The following NHS variants were observed in gnomAD, a reference collection of about 807,000 sequenced individuals.
The protein encoded by NHS is NHS actin remodeling regulator, also known as actin remodeling regulator NHS.
NHS carries 5 observed loss-of-function variants against 72.5 expected under a neutral mutation model. The ratio of observed to expected loss-of-function variants is 0.07; its 90% confidence interval spans 0.04 to 0.14. The LOEUF (loss-of-function observed/expected upper bound fraction) is 0.14, where lower values mean the gene tolerates loss of function less well. Among genes scored for constraint, NHS ranks in the 10% least tolerant of loss-of-function variants. The probability of loss-of-function intolerance (pLI) is 1.00; values close to 1 mark genes in which losing one functional copy is unlikely to be tolerated. For missense variants in NHS, 1,072 were observed against 1,355.7 expected (o/e 0.79, Z 3.29); for synonymous variants, 464 against 547.7 (o/e 0.85, Z 2.13).
At chrX:17,677,649 T>A (rs1364750106) in intron 1 of NHS, among the ~76,000 whole-genome samples, 1 of 108,833 alleles carries the variant, frequency 9.2e-6, no homozygotes, top group African/African-American at 3.4e-5. Context: ...TCGACAGGGG[T>A]TTTTAAAGAG....
chrX:17,583,631 A>G (rs1465380669), intron 1 of NHS, among the ~76,000 whole-genome samples: 6 of 112,330 alleles, frequency 5.3e-5, no homozygotes, highest in African/African-American at 1.6e-4. Flanking sequence ...GAATTCCCTC[A>G]GCAGATAAGC....
chrX:17,491,692 A>C (rs1481804149), intron 1 of NHS, among the ~76,000 whole-genome samples: 1 of 108,495 alleles, frequency 9.2e-6, no homozygotes, highest in African/African-American at 3.4e-5. Flanking sequence ...TTCAGAAGGA[A>C]TGGTACCAGC....
At chrX:17,610,033 G>T (rs777933680) in intron 1 of NHS, among the ~76,000 whole-genome samples, 1 of 112,150 alleles carries the variant, frequency 8.9e-6, no homozygotes, top group Non-Finnish European at 1.9e-5. Context: ...ATACTAGCCC[G>T]CCAGTTGAGC....
At chrX:17,478,074 G>C (rs2064929244) in intron 1 of NHS, among the ~76,000 whole-genome samples, 1 of 111,776 alleles carries the variant, frequency 8.9e-6, no homozygotes, top group South Asian at 3.8e-4. Context: ...GTGCCAGGCA[G>C]AGGTGAGGAA....
chrX:17,416,819 T>TGTGTGTGTGTGTGAGA (rs1445369548), intron 1 of NHS, among the ~76,000 whole-genome samples: 144 of 98,177 alleles, frequency 1.5e-3, no homozygotes, highest in African/African-American at 5.3e-3. Context: ...TGTGTGTGTG[T>TGTGTGTGTGTGTGAGA]GAGAGAGAGA....
Position 17,725,700 on chromosome X carries a change from G to A in NHS, c.1594G>A (p.Glu532Lys). Reference protein sequence around the residue: ...GAKPSAYEEGESFVGDHERTP... With the variant: ...GAKPSAYEEGKSFVGDHERTP... ...TAAACCCTCAGCATATGAAGAGGGA[G>A]AGTCTTTTGTGGGTGACCATGAAAG... Residue 532 changes from glutamate (E) to lysine (K), a missense_variant, in exon 7 of 9, where the codon GAG (glutamate) becomes AAG (lysine). Glu to Lys is a moderately conservative substitution (Grantham distance 56, BLOSUM62 1). Transcript: ENST00000676302. 3.3e-6 allele frequency: 4 copies of A among 1,211,439 alleles called. No homozygotes were observed. Among genetic ancestry groups the A allele is most frequent in the Non-Finnish European group, 4.5e-6 (4 of 895,447 alleles).
chrX:17,515,925 C>T (rs767346842), intron 1 of NHS, among the ~76,000 whole-genome samples: 156 of 110,713 alleles, frequency 1.4e-3, no homozygotes, highest in Non-Finnish European at 2.0e-3. Flanking sequence ...TAATTTGTCA[C>T]ATCTGACTTG....
At position 17,728,237 on chromosome X, in the gene NHS, A is replaced by C. The variant is rs754089696; in HGVS notation, c.4131A>C (p.Glu1377Asp). 1.7e-6 allele frequency: 2 copies of C among 1,212,005 alleles called. No individual in the cohort carries two copies. Among genetic ancestry groups the C allele is most frequent in the Admixed American group, 4.3e-5 (2 of 46,067 alleles). Reference sequence around the variant, plus strand: ...TCCCTGAAAAATGTTCCAAGCAGGAAAATATTGCTTCAGGTATTTCAGCCA... The same window carrying C: ...TCCCTGAAAAATGTTCCAAGCAGGACAATATTGCTTCAGGTATTTCAGCCA... ...NSFPEKCSKQ[E>D]NIASGISAKS... Residue 1377 changes from glutamate to aspartate, a missense_variant, in exon 7 of 9, where the codon GAA becomes GAC. Transcript: ENST00000676302.
chrX:17,711,782 G>A (rs1263284809), intron 3 of NHS, among the ~76,000 whole-genome samples: 3 of 111,605 alleles, frequency 2.7e-5, no homozygotes, highest in Admixed American at 9.5e-5. Context: ...ACTTTTTTGA[G>A]ATTGATGTTA....
intron 8 of NHS, among the ~76,000 whole-genome samples, chrX:17,729,513 A>G (rs1389851912): frequency 8.9e-6 from 1 of 112,116 alleles, no homozygotes; most frequent in African/African-American, 3.2e-5. Flanking sequence ...CTTTAATAGT[A>G]CTGGCCTTCA....
At chrX:17,376,987 A>T in intron 1 of NHS, among the ~76,000 whole-genome samples, 1 of 111,784 alleles carries the variant, frequency 8.9e-6, no homozygotes, top group Non-Finnish European at 1.9e-5. Context: ...GGTCAGGGAG[A>T]GATGAGGGTG....
At chrX:17,525,645 T>C (rs1341202800) in intron 1 of NHS, among the ~76,000 whole-genome samples, 36 of 104,432 alleles carry the variant, frequency 3.4e-4, no homozygotes, top group East Asian at 2.6e-3. Context: ...TTTCTTTTTT[T>C]TTTTTTTTTT....
intron 1 of NHS, among the ~76,000 whole-genome samples, chrX:17,396,702 C>CA (rs1469510922): frequency 4.5e-5 from 5 of 111,835 alleles, no homozygotes; most frequent in African/African-American, 1.6e-4. Flanking sequence ...GCCTACTCTG[C>CA]TCTACAGTTA....
intron 1 of NHS, among the ~76,000 whole-genome samples, chrX:17,410,452 G>A (rs1333345821): frequency 1.4e-4 from 15 of 108,578 alleles, no homozygotes; most frequent in East Asian, 2.9e-4. Flanking sequence ...GATAAAGGTC[G>A]TACAGGCTTT....
chrX:17,541,613 T>C (rs1442269007), intron 1 of NHS, among the ~76,000 whole-genome samples: 2 of 111,957 alleles, frequency 1.8e-5, no homozygotes, highest in African/African-American at 6.5e-5. Flanking sequence ...GTAAAGAATG[T>C]AGTTACTCTG....
chrX:17,403,145 T>C (rs912280015), intron 1 of NHS, among the ~76,000 whole-genome samples: 1 of 111,705 alleles, frequency 9.0e-6, no homozygotes, highest in African/African-American at 3.3e-5. Context: ...CCCACCCATA[T>C]GCTGGATGGG....
At chrX:17,452,931 G>C (rs2064811589) in intron 1 of NHS, among the ~76,000 whole-genome samples, 1 of 112,055 alleles carries the variant, frequency 8.9e-6, no homozygotes, top group Non-Finnish European at 1.9e-5. Context: ...TTAATACCTA[G>C]AGAAACAATA....
intron 2 of NHS, among the ~76,000 whole-genome samples, chrX:17,688,529 G>C (rs971487486): frequency 2.7e-5 from 3 of 111,429 alleles, no homozygotes; most frequent in African/African-American, 9.8e-5. Flanking sequence ...ATCCCCTAGA[G>C]GGCTCTTCTG....
intron 1 of NHS, among the ~76,000 whole-genome samples, chrX:17,607,919 CTTTTTTT>C (rs749347077): frequency 2.3e-4 from 21 of 92,269 alleles, no homozygotes; most frequent in Non-Finnish European, 4.1e-4. Flanking sequence ...CTTTTCTTTT[CTTTTTTT>C]TTTTTTTTTT....
Sources: gnomAD v4.1 joint callset for allele counts (sites outside exome capture counted in the v4.1 genomes callset) on GRCh38, gnomAD v4.1.1 for gene constraint, MANE v1.5 for transcripts, NCBI Gene and HGNC (gene_info 2026-07-23, HGNC 2026-07-21) for gene names.